Variants in RPL3 observed in about 807,000 individuals in gnomAD.
RPL3 encodes ribosomal protein L3.
In RPL3, 3 loss-of-function variants were observed where a neutral mutation model predicts 46.0. That is an observed-to-expected ratio of 0.07 (90% CI 0.03 to 0.17). The LOEUF (loss-of-function observed/expected upper bound fraction) is 0.17. RPL3 is among the 10% of genes least tolerant of loss of function. RPL3 has a pLI of 1.00. For synonymous variants in RPL3, 224 were observed against 190.8 expected (o/e 1.17, Z -1.43); for missense variants, 387 against 532.7 (o/e 0.73, Z 2.69).
chr22:39,318,230 TATTAGTTTTCAAGTTAAGCATTCCC>T (rs1922825618), intron 2 of RPL3, 145 bp downstream of exon 2: 2 of 644,938 alleles, frequency 3.1e-6, no homozygotes, highest in African/African-American at 3.7e-5. Flanking sequence ...AGCCTTGGAA[TATTAGTTTTCAAGTTAAGCATTCCC>T]ATTCTGCTGT....
At chr22:39,314,337 G>T in intron 6 of RPL3, 129 bp from the exon 7 acceptor site, 1 of 805,632 alleles carries the variant, frequency 1.2e-6, no homozygotes, top group Admixed American at 2.4e-5. Flanking sequence ...GTATCCCAAG[G>T]TCAGAGCAAA....
intron 7 of RPL3, 129 bp from the exon 8 acceptor site, chr22:39,313,858 G>C: frequency 2.1e-6 from 2 of 953,086 alleles, no homozygotes; most frequent in Non-Finnish European, 1.7e-6. Context: ...CGGTTCCGCA[G>C]TCTGTCTCGG....
rs772460117 is a variant in RPL3, at chr22:39,317,644, C to G, written c.197-15G>C. 1 of 1,610,760 alleles carries G rather than the reference C, an allele frequency of 6.2e-7. No homozygotes were observed. Among genetic ancestry groups the G allele is most frequent in the Non-Finnish European group, 8.5e-7 (1 of 1,177,666 alleles). On this transcript the variant is annotated splice_polypyrimidine_tract_variant and intron_variant, in intron 2 of 9. Transcript: ENST00000216146. ...CTTGTTCACCTCTGCAAAAAAAAAGCAGTAGTCAGACTTGGCAGGAGCCCA... is the reference window on the plus strand; with the variant it reads ...CTTGTTCACCTCTGCAAAAAAAAAGGAGTAGTCAGACTTGGCAGGAGCCCA...
At chr22:39,314,515 G>T in intron 6 of RPL3, 171 bp downstream of exon 6, 1 of 824,578 alleles carries the variant, frequency 1.2e-6, no homozygotes, top group Non-Finnish European at 1.9e-6. Flanking sequence ...CTACAGGATG[G>T]CACCTTACAA....
chr22:39,317,895 T>A (rs1243389662), intron 2 of RPL3: 3 of 476,172 alleles, frequency 6.3e-6, no homozygotes, highest in Non-Finnish European at 7.6e-6. Flanking sequence ...GCAGACAAGA[T>A]TGCTATTTAT....
chr22:39,316,377 G>C (rs1050807694), intron 4 of RPL3, among the ~76,000 whole-genome samples: 18 of 152,180 alleles, frequency 1.2e-4, no homozygotes, highest in African/African-American at 4.1e-4. Flanking sequence ...CAGCACTTGA[G>C]ATCAGCCAGG....
Position 39,317,607 on chromosome 22 carries a change from C to A in RPL3, c.219G>T (p.Val73=). 6.2e-7 allele frequency: 1 copy of A among 1,613,822 alleles called. No individual in the cohort carries two copies. The highest frequency in any genetic ancestry group is 8.5e-7 in the Non-Finnish European group (1 of 1,179,790). ...GTGTCTCTACAATGGTCACAGCCTC[C>A]ACCACCTCCTTCTTGTTCACCTCTG... The part of the protein sequence containing the change: ...PGSKVNKKEV[V]EAVTIVETPP... Residue 73 remains valine (V), a synonymous_variant, in exon 3 of 10, where the codon GTG becomes GTT. Transcript: ENST00000216146.
In RPL3 at chr22:39,313,484, T is replaced by C. The variant is rs1053018468; in HGVS notation, c.1047+150A>G. The C allele has an allele frequency of 4.0e-6, 5 of 1,265,276 alleles. No individual in the cohort carries two copies. In the African/African-American group the frequency reaches 6.0e-5, roughly 15 times the overall value. 78.4% of individuals were successfully genotyped at this position (1,265,276 alleles called of 1,614,324 possible). A position where few individuals can be genotyped will look rare whatever the true frequency, so the allele number is the denominator to read the frequency against. On this transcript the variant is annotated intron_variant, in intron 8 of 9. Coordinates refer to ENST00000216146, the MANE Select transcript of RPL3 (RefSeq NM_000967.4). ...CAGCCCAGCAAGGCCAGACTGGGAATTTCCTCATCTCAGGACTTCAAAGCC... is the reference window on the plus strand; with the variant it reads ...CAGCCCAGCAAGGCCAGACTGGGAACTTCCTCATCTCAGGACTTCAAAGCC...
chr22:39,313,545 TC>T (rs1922489013), intron 8 of RPL3, 88 bp downstream of exon 8: 1 of 1,361,530 alleles, frequency 7.3e-7, no homozygotes, highest in South Asian at 1.2e-5. Flanking sequence ...CTCCTTCCTT[TC>T]CTCTCCCACC....
intron 2 of RPL3, 167 bp downstream of exon 2, chr22:39,318,233 T>G: frequency 4.6e-6 from 3 of 653,362 alleles, no homozygotes; most frequent in Non-Finnish European, 7.7e-6. Flanking sequence ...CTTGGAATAT[T>G]AGTTTTCAAG....
chr22:39,315,078 T>C (rs1922595255), intron 5 of RPL3: 1 of 699,826 alleles, frequency 1.4e-6, no homozygotes, highest in Non-Finnish European at 2.4e-6. Context: ...AGCTCCCCCA[T>C]TCACAGGGAC....
chr22:39,314,907 C>T, intron 5 of RPL3, 61 bp from the exon 6 acceptor site: 1 of 1,580,464 alleles, frequency 6.3e-7, no homozygotes, highest in Non-Finnish European at 8.6e-7. Context: ...CCCCTTCCTG[C>T]TACTCAGCAA....
At chr22:39,313,983 G>T in intron 7 of RPL3, 124 bp downstream of exon 7, 1 of 891,696 alleles carries the variant, frequency 1.1e-6, no homozygotes, top group Non-Finnish European at 1.9e-6. Flanking sequence ...CCACTTACAA[G>T]GGACACAGCT....
At chr22:39,319,514 A>G in intron 1 of RPL3, 81 bp downstream of exon 1, 1 of 1,545,442 alleles carries the variant, frequency 6.5e-7, no homozygotes, top group Non-Finnish European at 8.8e-7. Context: ...GCGCCGGCCA[A>G]GACGGGATGG....
Position 39,314,131 on chromosome 22 carries a change from T to C in RPL3, c.927A>G (p.Leu309=), listed in dbSNP as rs1331262836. The change falls in exon 7 of 10, where the codon CTA becomes CTG. Residue 309 remains leucine, a synonymous_variant. Coordinates refer to ENST00000216146, the MANE Select transcript of RPL3 (RefSeq NM_000967.4). ...IKNNASTDYD[L]SDKSINPLGG... ...CCAGAGGGTTGATGCTCTTGTCAGA[T>C]AGGTCATAGTCAGTGGAGGCATTGT... 5 of 1,613,120 alleles carry C rather than the reference T, an allele frequency of 3.1e-6. No individual in the cohort carries two copies. The highest frequency in any genetic ancestry group is 2.2e-5 in the East Asian group (1 of 44,880).
At chr22:39,316,599 G>T in intron 4 of RPL3, 107 bp downstream of exon 4, 1 of 1,447,428 alleles carries the variant, frequency 6.9e-7, no homozygotes, top group Non-Finnish European at 9.6e-7. Flanking sequence ...GCCCTCTGCT[G>T]GCAAGGGAGA....
At chr22:39,314,337 G>A (rs183705735) in intron 6 of RPL3, 129 bp from the exon 7 acceptor site, 20 of 805,632 alleles carry the variant, frequency 2.5e-5, no homozygotes, top group Non-Finnish European at 4.0e-6. Context: ...GTATCCCAAG[G>A]TCAGAGCAAA....
intron 5 of RPL3, 198 bp downstream of exon 5, chr22:39,315,171 G>T (rs1367677016): frequency 1.1e-6 from 1 of 870,768 alleles, no homozygotes; most frequent in East Asian, 2.4e-5. Flanking sequence ...TTAAGAAGTT[G>T]TCCCCTGGCC....
chr22:39,317,380 C>A, intron 3 of RPL3, 81 bp downstream of exon 3: 1 of 1,498,174 alleles, frequency 6.7e-7, no homozygotes. Flanking sequence ...TGCTACAGAG[C>A]TGAGAAACCA....
Sources: allele counts gnomAD v4.1 joint callset (sites outside exome capture counted in the v4.1 genomes callset), GRCh38; gene constraint gnomAD v4.1.1; transcripts MANE v1.5; gene names NCBI Gene and HGNC (gene_info 2026-07-23, HGNC 2026-07-21).